The following BEGAIN variants were observed in gnomAD, a reference collection of about 807,000 sequenced individuals.
BEGAIN encodes the protein brain-enriched guanylate kinase-associated protein.
Under a neutral mutation model 35.8 loss-of-function variants are expected in BEGAIN, and 19 were observed. The ratio of observed to expected loss-of-function variants is 0.53; its 90% CI spans 0.37 to 0.78. The LOEUF (loss-of-function observed/expected upper bound fraction) is 0.78. BEGAIN is among the 30% of genes least tolerant of loss of function. BEGAIN has a pLI of 0.00. For synonymous variants in BEGAIN, 462 were observed against 388.6 expected, an observed-to-expected ratio of 1.19 and a Z score of -2.22; for missense variants, 795 against 853.6, an observed-to-expected ratio of 0.93 and a Z score of 0.85.
Position 100,573,422 on chromosome 14 carries a change from GCCTCGTGCAC to G in BEGAIN, c.43-5493_43-5484del, listed in dbSNP as rs2035133549. Among the ~76,000 whole-genome samples the G allele has an allele frequency of 6.6e-6, 1 of 152,092 alleles. No individual in the cohort carries two copies. The highest frequency in any genetic ancestry group is 6.5e-5 in the Admixed American group (1 of 15,278). ...TGGGAAGGAGCAGCTGGGGTGCGGG[GCCTCGTGCAC>G]CCTCATCAGGACCTTGGCTTCTGCC... is the stretch of plus-strand genomic sequence containing the variant. On this transcript the variant is annotated intron_variant, in intron 1 of 6. Transcript: ENST00000554140. This position sits in a 1 kb window ranked among gnomAD's most constrained non-coding sequence, Gnocchi z 4.2.
At chr14:100,582,890 C>A (rs2035351298) in intron 1 of BEGAIN, among the ~76,000 whole-genome samples, 1 of 151,854 alleles carries the variant, frequency 6.6e-6, no homozygotes, top group Admixed American at 6.6e-5. Context: ...TGACCCTGCG[C>A]CTGCGTAGTA....
intron 2 of BEGAIN, among the ~76,000 whole-genome samples, chr14:100,556,857 C>T (rs117041761): frequency 0.012 from 1,766 of 152,276 alleles, 25 homozygotes; most frequent in South Asian, 0.084. Flanking sequence ...GGGGCAGAGC[C>T]GCCCGGGGCA....
In BEGAIN at chr14:100,563,834, GA is replaced by G. The variant is rs1478582648; in HGVS notation, c.71+4076del. ...AAACGGATTTCAGGGAAGCCACCATGACAACAGCAACTGGTAGCTCCACCTA... is the reference window on the plus strand; with the variant it reads ...AAACGGATTTCAGGGAAGCCACCATGCAACAGCAACTGGTAGCTCCACCTA... On this transcript the variant is annotated intron_variant, in intron 2 of 6. Transcript: ENST00000554140. The surrounding 1 kb of genome is among the most constrained non-coding windows in gnomAD (Gnocchi z 4.2). Among the ~76,000 whole-genome samples, 3 of 152,186 alleles carry G rather than the reference GA, an allele frequency of 2.0e-5. No homozygotes were observed. The highest frequency in any genetic ancestry group is 2.9e-5 in the Non-Finnish European group (2 of 68,042).
chr14:100,555,148 G>A (rs370130020), intron 2 of BEGAIN, among the ~76,000 whole-genome samples: 8 of 152,236 alleles, frequency 5.3e-5, no homozygotes, highest in African/African-American at 1.7e-4. Context: ...TGCCTCTGAC[G>A]GGCCCAGGGC....
At chr14:100,545,267 C>T (rs2032218078) in intron 3 of BEGAIN, 1 of 1,418,768 alleles carries the variant, frequency 7.0e-7, no homozygotes, top group Non-Finnish European at 9.2e-7. Flanking sequence ...AGAAGCCTTT[C>T]CTAGGCCAGG....
At chr14:100,585,423 T>C (rs1429370478) in intron 1 of BEGAIN, among the ~76,000 whole-genome samples, 5 of 89,164 alleles carry the variant, frequency 5.6e-5, no homozygotes, top group African/African-American at 2.2e-4. Flanking sequence ...CTCCCATCCA[T>C]CCATCCATCC....
chr14:100,537,915 TGG>T lies in BEGAIN; in HGVS notation c.*52_*53del. The T allele has an allele frequency of 6.5e-7, 1 of 1,547,762 alleles. No individual in the cohort carries two copies. The highest frequency in any genetic ancestry group is 8.7e-7 in the Non-Finnish European group (1 of 1,148,116). On this transcript the variant is annotated 3_prime_UTR_variant, in exon 7 of 7. Transcript: ENST00000554140. ...TGGGGAGAGGTGAGGCCGGCCCTTC[TGG>T]GGCACGTGGGCTGGCGGGGAGCGAA...
intron 1 of BEGAIN, among the ~76,000 whole-genome samples, chr14:100,582,031 C>A (rs1481055474): frequency 6.6e-6 from 1 of 152,264 alleles, no homozygotes. Flanking sequence ...CTCGGGTAAA[C>A]CCCCATGGTG....
At position 100,567,938 on chromosome 14, in the gene BEGAIN, G is replaced by T. The variant is rs1231022593; in HGVS notation, c.44C>A (p.Ala15Asp). The part of the protein sequence containing the change: ...GRRPGRLRRA[A>D]SAADMEKLSA... ...GAGTTTCTCCATGTCTGCGGCAGAG[G>T]CCTGCGAGAAACCAAACGAGAGGGT... The change falls in exon 2 of 7, where the codon GCC becomes GAC. Residue 15 changes from alanine to aspartate, a missense_variant and splice_region_variant. Around this residue, in one of 3 missense-constraint regions of BEGAIN, gnomAD observed 58 missense variants for 62.7 expected, o/e 0.92. Coordinates refer to ENST00000554140, the MANE Select transcript of BEGAIN (RefSeq NM_001385089.1). This position sits in a 1 kb window ranked among gnomAD's most constrained non-coding sequence, Gnocchi z 5.1. 2 of 1,461,122 alleles carry T rather than the reference G, an allele frequency of 1.4e-6. No individual in the cohort carries two copies. The highest frequency in any genetic ancestry group is 1.8e-6 in the Non-Finnish European group (2 of 1,096,990). The allele number at this position is 1,461,122 out of a possible 1,614,324, so 90.5% of individuals were successfully genotyped here.
intron 1 of BEGAIN, among the ~76,000 whole-genome samples, chr14:100,583,985 C>G (rs985762008): frequency 6.6e-6 from 1 of 152,204 alleles, no homozygotes; most frequent in African/African-American, 2.4e-5. Context: ...AGGCGTGAGC[C>G]GCTGCGCCCA....
intron 2 of BEGAIN, chr14:100,550,356 G>A: frequency 5.0e-6 from 2 of 398,844 alleles, no homozygotes; most frequent in Non-Finnish European, 8.9e-6. Context: ...CACAGACACG[G>A]GACAGATGTC....
chr14:100,537,913 TCTG>T lies in BEGAIN; in HGVS notation c.*53_*55del. The T allele has an allele frequency of 6.5e-7, 1 of 1,544,598 alleles. No individual in the cohort carries two copies. The highest frequency in any genetic ancestry group is 1.2e-5 in the South Asian group (1 of 81,472). ...GCTGGGGAGAGGTGAGGCCGGCCCT[TCTG>T]GGGCACGTGGGCTGGCGGGGAGCGA... On this transcript the variant is annotated 3_prime_UTR_variant, in exon 7 of 7. Transcript: ENST00000554140.
Position 100,553,057 on chromosome 14 carries a change from G to A in BEGAIN, c.72-6395C>T, listed in dbSNP as rs938298825. ...TGGGCAGGTTTTGTCCGTGCCTCCA[G>A]GGCACATCTCCTCTCAGGACTTGGA... On this transcript the variant is annotated intron_variant, in intron 2 of 6. Coordinates refer to ENST00000554140, the MANE Select transcript of BEGAIN (RefSeq NM_001385089.1). 2.6e-5 allele frequency among the ~76,000 whole-genome samples: 4 copies of A among 152,172 alleles called. No individual in the cohort carries two copies. The South Asian group carries it at 8.3e-4, about 31-fold the overall frequency.
intron 2 of BEGAIN, among the ~76,000 whole-genome samples, chr14:100,554,320 C>A (rs2033495597): frequency 6.6e-6 from 1 of 152,200 alleles, no homozygotes; most frequent in Non-Finnish European, 1.5e-5. Flanking sequence ...GGCCCGAGAG[C>A]CGCTCCCACC....
rs1266069237 is a variant in BEGAIN, at chr14:100,544,965, G to C, written c.300+35C>G. 3.1e-6 allele frequency: 5 copies of C among 1,600,088 alleles called. No homozygotes were observed. The East Asian group carries it at 1.1e-4, about 36-fold the overall frequency. ...GTGGCTCCCCCCGGGAAGGAGGTGT[G>C]GGGTGGGGGAGTGGGCGCTGCGTGG... is the stretch of plus-strand genomic sequence containing the variant. On this transcript the variant is annotated intron_variant, in intron 4 of 6. Transcript: ENST00000554140.
In BEGAIN at chr14:100,546,608, G is replaced by C; in HGVS notation, c.126C>G (p.His42Gln). 1 of 1,592,666 alleles carries C rather than the reference G, an allele frequency of 6.3e-7. No individual in the cohort carries two copies. Among genetic ancestry groups the C allele is most frequent in the Middle Eastern group, 1.7e-4 (1 of 6,002 alleles). Residue 42 changes from histidine (H) to glutamine (Q), a missense_variant, in exon 3 of 7, where the codon CAC becomes CAG. This residue lies in a region of BEGAIN where 58 missense variants were observed against 62.7 expected (regional missense o/e 0.92). Transcript: ENST00000554140. ...ACTCGGTCTCGAGCTTCTCGAGCTT[G>C]TGTGTGGTGTAGGACAGCCGCTTGC... Reference protein sequence around the residue: ...ELRKRLSYTTHKLEKLETEFD... With the variant: ...ELRKRLSYTTQKLEKLETEFD...
chr14:100,584,728 G>A (rs767424514), intron 1 of BEGAIN, among the ~76,000 whole-genome samples: 17 of 152,228 alleles, frequency 1.1e-4, no homozygotes, highest in East Asian at 1.9e-4. Flanking sequence ...CTTCTGATAC[G>A]GAGCCCTAGA....
Position 100,539,345 on chromosome 14 carries a change from G to A in BEGAIN, c.493-30C>T, listed in dbSNP as rs867510179. 31 of 1,525,634 alleles carry A rather than the reference G, an allele frequency of 2.0e-5. No individual in the cohort carries two copies. In the Middle Eastern group the frequency reaches 7.1e-4, roughly 35 times the overall value. 94.5% of individuals were successfully genotyped at this position (1,525,634 alleles called of 1,614,324 possible). On this transcript the variant is annotated intron_variant, in intron 6 of 6. Coordinates refer to ENST00000554140, the MANE Select transcript of BEGAIN (RefSeq NM_001385089.1). Reference sequence around the variant, plus strand: ...AACGGGTGCGAGGAGGGGGACGGCGGGTACAGGGTCACTGTTAGCATGGCA... The same window carrying A: ...AACGGGTGCGAGGAGGGGGACGGCGAGTACAGGGTCACTGTTAGCATGGCA...
rs939523906 is a variant in BEGAIN, at chr14:100,567,885, C to T, written c.71+26G>A. On this transcript the variant is annotated intron_variant, in intron 2 of 6. Transcript: ENST00000554140. The surrounding 1 kb of genome is among the most constrained non-coding windows in gnomAD (Gnocchi z 5.1). The stretch of plus-strand genomic sequence containing the variant: ...CACCCCCGACCCGGCCCCCGCGAGC[C>T]GCGGCACGGGAGACGCTCCACTCAC... 7 of 1,464,754 alleles carry T rather than the reference C, an allele frequency of 4.8e-6. No individual in the cohort carries two copies. Among genetic ancestry groups the T allele is most frequent in the Non-Finnish European group, 5.5e-6 (6 of 1,099,346 alleles). The allele number at this position is 1,464,754 out of a possible 1,614,324, so 90.7% of individuals were successfully genotyped here. A position where few individuals can be genotyped will look rare whatever the true frequency, so the allele number is the denominator to read the frequency against.
Sources: allele counts gnomAD v4.1 joint callset (sites outside exome capture counted in the v4.1 genomes callset), GRCh38; gene constraint gnomAD v4.1.1; regional missense constraint gnomAD v4.1.1; non-coding constraint Gnocchi (gnomAD v3.1); transcripts MANE v1.5; gene names NCBI Gene and HGNC (gene_info 2026-07-23, HGNC 2026-07-21).